Variants in TCP11L2 observed in about 807,000 individuals in gnomAD.
TCP11L2 encodes t-complex 11 like 2, also known as T-complex protein 11-like protein 2.
In TCP11L2, 39 loss-of-function variants were observed where a neutral mutation model predicts 50.7. The ratio of observed to expected loss-of-function variants is 0.77; its 90% confidence interval spans 0.60 to 1.01. The LOEUF is 1.01. TCP11L2 is among the 50% of genes least tolerant of loss of function. The pLI, the probability that TCP11L2 is intolerant of heterozygous loss-of-function variation, is 0.00. For missense variants in TCP11L2, 612 were observed against 614.7 expected, an observed-to-expected ratio of 1.00 and a Z score of 0.05; for synonymous variants, 192 against 219.3, an observed-to-expected ratio of 0.88 and a Z score of 1.10.
intron 2 of TCP11L2, chr12:106,312,564 C>G (rs1447263307): frequency 2.7e-6 from 1 of 366,076 alleles, no homozygotes; most frequent in African/African-American, 2.2e-5. Context: ...CTCCTCTTTC[C>G]CTGATCCTCC....
upstream of TCP11L2, among the ~76,000 whole-genome samples, chr12:106,298,565 A>G (rs1416194678): frequency 2.6e-5 from 4 of 152,302 alleles, no homozygotes; most frequent in Middle Eastern, 0.014. Flanking sequence ...TCTGTTGCCC[A>G]GGCTGGAGTG....
chr12:106,323,434 T>C (rs1015903694), intron 5 of TCP11L2, 76 bp from the exon 6 acceptor site: 3 of 1,339,500 alleles, frequency 2.2e-6, no homozygotes, highest in Non-Finnish European at 3.1e-6. Flanking sequence ...GTTTTCAGCC[T>C]GGAACATAGA....
intron 3 of TCP11L2, among the ~76,000 whole-genome samples, chr12:106,317,972 G>C (rs2035164288): frequency 6.6e-6 from 1 of 152,176 alleles, no homozygotes; most frequent in South Asian, 2.1e-4. Context: ...TGAAATTTCA[G>C]CTGGTGAGGA....
intron 9 of TCP11L2, among the ~76,000 whole-genome samples, chr12:106,343,958 G>T (rs1041411154): frequency 1.3e-5 from 2 of 151,260 alleles, no homozygotes; most frequent in African/African-American, 4.8e-5. Context: ...TGCCTGGCCT[G>T]CCATCTACAC....
chr12:106,307,531 T>C (rs1035635939), intron 1 of TCP11L2, among the ~76,000 whole-genome samples: 3 of 152,222 alleles, frequency 2.0e-5, no homozygotes, highest in Non-Finnish European at 4.4e-5. Flanking sequence ...AAAATAGTTT[T>C]TAAAGCAATC....
chr12:106,314,574 TGTGAGAGAGAGAGA>T (rs1367185344), intron 3 of TCP11L2, 81 bp downstream of exon 3: 16 of 615,910 alleles, frequency 2.6e-5, no homozygotes, highest in South Asian at 1.5e-4. Flanking sequence ...TGTGTGTGTG[TGTGAGAGAGAGAGA>T]GAGAGAGAGA....
Position 106,346,614 on chromosome 12 carries a change from C to T in TCP11L2, c.*84C>T, listed in dbSNP as rs1216357884. On this transcript the variant is annotated 3_prime_UTR_variant, in exon 10 of 10. Coordinates refer to ENST00000299045, the MANE Select transcript of TCP11L2 (RefSeq NM_152772.3). ...TCCATTGATGGCATTAGAGATCCAG[C>T]ACATTCTCAGTACTGTGGTGCAGTA... 6.6e-7 allele frequency: 1 copy of T among 1,517,602 alleles called. No individual in the cohort carries two copies. The highest frequency in any genetic ancestry group is 8.8e-7 in the Non-Finnish European group (1 of 1,133,506). The allele number at this position is 1,517,602 out of a possible 1,614,324, so 94.0% of individuals were successfully genotyped here.
intron 6 of TCP11L2, chr12:106,325,896 A>AT (rs1371340128): frequency 6.6e-6 from 1 of 150,432 alleles, no homozygotes; most frequent in Non-Finnish European, 1.5e-5. Context: ...GTCTCGGAAA[A>AT]AAAAAAAAAA....
In TCP11L2 at chr12:106,346,446, AC is replaced by A; in HGVS notation, c.1478del (p.Pro493HisfsTer20). 1 of 1,614,164 alleles carries A rather than the reference AC, an allele frequency of 6.2e-7. No individual in the cohort carries two copies. The highest frequency in any genetic ancestry group is 8.5e-7 in the Non-Finnish European group (1 of 1,180,022). On this transcript the variant is annotated frameshift_variant, in exon 10 of 10. Coordinates refer to ENST00000299045, the MANE Select transcript of TCP11L2 (RefSeq NM_152772.3). LOFTEE classifies it high-confidence loss of function. ...IVNLNKQVYG[P>X]FYANILRKLL... Reference sequence around the variant, plus strand: ...TGAATCTCAACAAACAAGTGTATGGACCATTTTATGCAAATATACTTCGAAA... The same window carrying A: ...TGAATCTCAACAAACAAGTGTATGGACATTTTATGCAAATATACTTCGAAA...
At chr12:106,339,576 T>G (rs1394971399) in intron 8 of TCP11L2, among the ~76,000 whole-genome samples, 1 of 152,250 alleles carries the variant, frequency 6.6e-6, no homozygotes, top group Non-Finnish European at 1.5e-5. Context: ...TGGTGTTTCC[T>G]GGGTCTTCCT....
chr12:106,329,452 T>C, intron 6 of TCP11L2: 1 of 1,533,810 alleles, frequency 6.5e-7, no homozygotes, highest in Non-Finnish European at 8.7e-7. Flanking sequence ...AGCCAACGTT[T>C]CACTCTAAAC....
intron 1 of TCP11L2, among the ~76,000 whole-genome samples, chr12:106,309,319 C>T (rs939935161): frequency 2.6e-5 from 4 of 152,104 alleles, no homozygotes; most frequent in African/African-American, 9.7e-5. Context: ...GATGCAAGGG[C>T]TCAAGAATCT....
intron 4 of TCP11L2, among the ~76,000 whole-genome samples, chr12:106,320,368 G>C (rs746708103): frequency 6.6e-6 from 1 of 151,872 alleles, no homozygotes; most frequent in Non-Finnish European, 1.5e-5. Flanking sequence ...ACTGCACTCC[G>C]GCCTGGTGAC....
At chr12:106,306,887 C>T (rs1261266682) in intron 1 of TCP11L2, among the ~76,000 whole-genome samples, 2 of 152,200 alleles carry the variant, frequency 1.3e-5, no homozygotes, top group African/African-American at 2.4e-5. Context: ...AGGCAATGTT[C>T]TTATGGCTTC....
chr12:106,338,811 A>G (rs2036001752), intron 8 of TCP11L2, among the ~76,000 whole-genome samples: 1 of 152,080 alleles, frequency 6.6e-6, no homozygotes, highest in Non-Finnish European at 1.5e-5. Flanking sequence ...TTTCTCTACA[A>G]CCTTGCCAGA....
At chr12:106,316,720 C>T (rs1230695347) in intron 3 of TCP11L2, among the ~76,000 whole-genome samples, 4 of 151,956 alleles carry the variant, frequency 2.6e-5, no homozygotes, top group Non-Finnish European at 5.9e-5. Context: ...CCTTTTTGTC[C>T]CTGCTAACAT....
At chr12:106,297,990 AG>A (rs771435697), upstream of TCP11L2, among the ~76,000 whole-genome samples, 4 of 152,222 alleles carry the variant, frequency 2.6e-5, no homozygotes, top group Non-Finnish European at 4.4e-5. Flanking sequence ...GAAGGGGCCC[AG>A]GGTGGGGTGT....
intron 6 of TCP11L2, among the ~76,000 whole-genome samples, chr12:106,335,375 T>G (rs1334553007): frequency 2.0e-5 from 3 of 152,244 alleles, no homozygotes; most frequent in Admixed American, 2.0e-4. Context: ...TGCCATATGC[T>G]GTCTTTTCCA....
At chr12:106,320,814 G>T (rs561689227) in intron 4 of TCP11L2, among the ~76,000 whole-genome samples, 2 of 152,226 alleles carry the variant, frequency 1.3e-5, no homozygotes, top group African/African-American at 4.8e-5. Flanking sequence ...AGTGCTCAGT[G>T]AGCCTGCCAT....
Sources: allele counts gnomAD v4.1 joint callset (sites outside exome capture counted in the v4.1 genomes callset), GRCh38; gene constraint gnomAD v4.1.1; transcripts MANE v1.5; gene names NCBI Gene and HGNC (gene_info 2026-07-23, HGNC 2026-07-21).